Variants in GAB1 observed in about 807,000 individuals in gnomAD.
The protein encoded by GAB1 is GRB2-associated-binding protein 1.
A neutral mutation model predicts 66.5 loss-of-function variants in GAB1; 19 were observed. The ratio of observed to expected loss-of-function variants is 0.29; its 90% CI spans 0.20 to 0.42. GAB1 has a LOEUF of 0.42. Ranked by LOEUF, GAB1 falls within the 10% of genes least tolerant of loss-of-function variation. GAB1 has a pLI of 1.00. For missense variants in GAB1, 732 were observed against 858.5 expected, an observed-to-expected ratio of 0.85 and a Z score of 1.84; for synonymous variants, 294 against 301.4, an observed-to-expected ratio of 0.98 and a Z score of 0.25.
intron 1 of GAB1, chr4:143,380,798 C>A (rs779919372): frequency 8.5e-5 from 13 of 152,222 alleles, no homozygotes; most frequent in Non-Finnish European, 1.6e-4. Flanking sequence ...AGTTTATGTA[C>A]ACCAGAAAGA....
chr4:143,405,085 C>T (rs183263811), intron 1 of GAB1, among the ~76,000 whole-genome samples: 25 of 152,178 alleles, frequency 1.6e-4, no homozygotes, highest in African/African-American at 5.1e-4. Context: ...TTAAACAAGA[C>T]GTTATTAAAC....
At chr4:143,403,774 C>A (rs779402023) in intron 1 of GAB1, among the ~76,000 whole-genome samples, 2 of 152,152 alleles carry the variant, frequency 1.3e-5, no homozygotes, top group African/African-American at 4.8e-5. Flanking sequence ...TTCATTCTTG[C>A]TTATTGGACT....
intron 2 of GAB1, among the ~76,000 whole-genome samples, chr4:143,429,524 TA>T (rs1208231587): frequency 5.9e-5 from 9 of 152,136 alleles, no homozygotes; most frequent in Admixed American, 5.9e-4. Flanking sequence ...GTGAGTTGGG[TA>T]AACGCCTCTC....
At chr4:143,444,674 G>A (rs1488769580) in intron 6 of GAB1, among the ~76,000 whole-genome samples, 2 of 151,974 alleles carry the variant, frequency 1.3e-5, no homozygotes, top group Non-Finnish European at 2.9e-5. Flanking sequence ...TGTGTATATT[G>A]TGCGATGCTG....
chr4:143,383,524 TC>T (rs1730746697), intron 1 of GAB1, among the ~76,000 whole-genome samples: 1 of 152,208 alleles, frequency 6.6e-6, no homozygotes, highest in Non-Finnish European at 1.5e-5. Flanking sequence ...TACTTGTAAC[TC>T]TACTACTCAG....
intron 3 of GAB1, among the ~76,000 whole-genome samples, chr4:143,434,796 A>T (rs1262019924): frequency 6.6e-6 from 1 of 152,164 alleles, no homozygotes; most frequent in Admixed American, 6.6e-5. Flanking sequence ...CTAAGCTATA[A>T]GGCATTTTAA....
At chr4:143,427,535 T>TAA (rs797018263) in intron 2 of GAB1, among the ~76,000 whole-genome samples, 4 of 144,396 alleles carry the variant, frequency 2.8e-5, no homozygotes, top group Non-Finnish European at 4.6e-5. Flanking sequence ...GCCTGACTGG[T>TAA]AAAAAAAAAA....
At chr4:143,391,812 T>C (rs1281371263) in intron 1 of GAB1, among the ~76,000 whole-genome samples, 3 of 152,132 alleles carry the variant, frequency 2.0e-5, no homozygotes, top group Non-Finnish European at 4.4e-5. Flanking sequence ...AATTAACTAT[T>C]AAGCAACTTT....
intron 1 of GAB1, among the ~76,000 whole-genome samples, chr4:143,372,164 A>T (rs560342779): frequency 3.1e-4 from 47 of 149,730 alleles, no homozygotes; most frequent in African/African-American, 6.5e-4. Context: ...ATCTCAGTTT[A>T]AAAAAAAAAG....
chr4:143,408,346 A>G (rs1055142661), intron 1 of GAB1, among the ~76,000 whole-genome samples: 1 of 152,220 alleles, frequency 6.6e-6, no homozygotes, highest in African/African-American at 2.4e-5. Context: ...GTAAAATATG[A>G]GACTCATCTG....
chr4:143,378,629 G>GTCTCTCTCTCTCTCTCTCTCTCTCTCTC (rs3049720), intron 1 of GAB1, among the ~76,000 whole-genome samples: 2 of 129,150 alleles, frequency 1.5e-5, no homozygotes, highest in African/African-American at 5.9e-5. Flanking sequence ...CTTCCAAAGT[G>GTCTCTCTCTCTCTCTCTCTCTCTCTCTC]TCTCTCTCTC....
At chr4:143,432,406 G>T (rs902076217) in intron 2 of GAB1, among the ~76,000 whole-genome samples, 3 of 152,084 alleles carry the variant, frequency 2.0e-5, no homozygotes, top group Non-Finnish European at 2.9e-5. Context: ...TTTGTCACGT[G>T]ACCAGGAAGG....
intron 1 of GAB1, among the ~76,000 whole-genome samples, chr4:143,352,783 T>C (rs1285678212): frequency 3.9e-5 from 6 of 152,336 alleles, no homozygotes; most frequent in South Asian, 4.1e-4. Flanking sequence ...TAAATACTTA[T>C]AAAGAAAGCA....
intron 8 of GAB1, among the ~76,000 whole-genome samples, chr4:143,461,647 G>A (rs1735498993): frequency 6.6e-6 from 1 of 152,126 alleles, no homozygotes; most frequent in Admixed American, 6.6e-5. Context: ...AGGAACAGTG[G>A]GCCCACCTAA....
intron 1 of GAB1, among the ~76,000 whole-genome samples, chr4:143,348,826 ACTGAACTTTCATGGTCCAGATCAGCT>A (rs1177258196): frequency 6.6e-6 from 1 of 151,984 alleles, no homozygotes; most frequent in Non-Finnish European, 1.5e-5. Flanking sequence ...CTTCAGCTAT[ACTGAACTTTCATGGTCCAGATCAGCT>A]CTGAGATCTC....
chr4:143,418,421 T>TA (rs1257889214), intron 2 of GAB1, among the ~76,000 whole-genome samples: 1 of 152,232 alleles, frequency 6.6e-6, no homozygotes, highest in Non-Finnish European at 1.5e-5. Context: ...TAGCTCTTTT[T>TA]AATGGTTAAC....
At chr4:143,430,623 G>C (rs1733604523) in intron 2 of GAB1, among the ~76,000 whole-genome samples, 1 of 152,112 alleles carries the variant, frequency 6.6e-6, no homozygotes, top group Non-Finnish European at 1.5e-5. Flanking sequence ...TAGAATTTCA[G>C]ATTACCATAA....
intron 6 of GAB1, among the ~76,000 whole-genome samples, chr4:143,455,272 T>A (rs940212502): frequency 6.6e-6 from 1 of 152,064 alleles, no homozygotes; most frequent in African/African-American, 2.4e-5. Flanking sequence ...AGGTGGAAAA[T>A]GGCATTGGTT....
intron 1 of GAB1, among the ~76,000 whole-genome samples, chr4:143,385,952 C>T (rs149268569): frequency 2.0e-4 from 31 of 152,056 alleles, no homozygotes; most frequent in Non-Finnish European, 4.1e-4. Context: ...CAAGCCGGAG[C>T]AACATGGTGA....
Sources: allele counts gnomAD v4.1 joint callset (sites outside exome capture counted in the v4.1 genomes callset), GRCh38; gene constraint gnomAD v4.1.1; transcripts MANE v1.5; gene names NCBI Gene and HGNC (gene_info 2026-07-23, HGNC 2026-07-21).